WDFY2: variants seen among roughly 807,000 people sequenced by gnomAD.
WDFY2 encodes WD repeat and FYVE domain-containing protein 2.
In WDFY2, 36 loss-of-function variants were observed where a neutral mutation model predicts 56.4. The observed-to-expected ratio is 0.64, with a 90% CI of 0.49 to 0.84. The LOEUF (loss-of-function observed/expected upper bound fraction) is 0.84, where lower values mean the gene tolerates loss of function less well. Ranked by LOEUF, WDFY2 falls within the 40% of genes least tolerant of loss-of-function variation. WDFY2 has a pLI of 0.00. For synonymous variants in WDFY2, 176 were observed against 183.7 expected (o/e 0.96, Z 0.34); for missense variants, 444 against 512.2 (o/e 0.87, Z 1.29).
At chr13:51,744,625 A>G (rs1953051587) in intron 7 of WDFY2, among the ~76,000 whole-genome samples, 3 of 152,264 alleles carry the variant, frequency 2.0e-5, no homozygotes, top group Admixed American at 1.3e-4. Flanking sequence ...GAGAAAGGAA[A>G]TGAGGCCATC....
chr13:51,619,287 T>A (rs1172036443), intron 1 of WDFY2, among the ~76,000 whole-genome samples: 1 of 151,984 alleles, frequency 6.6e-6, no homozygotes, highest in African/African-American at 2.4e-5. Context: ...ACCCTGTCTG[T>A]AACAAAAAAT....
intron 3 of WDFY2, among the ~76,000 whole-genome samples, chr13:51,698,894 C>T (rs1331778768): frequency 6.6e-6 from 1 of 152,146 alleles, no homozygotes; most frequent in Non-Finnish European, 1.5e-5. Flanking sequence ...ACTGTCAATT[C>T]ACATATTAAA....
intron 1 of WDFY2, among the ~76,000 whole-genome samples, chr13:51,653,434 AT>A (rs1566075271): frequency 1.3e-5 from 2 of 152,018 alleles, no homozygotes; most frequent in African/African-American, 4.8e-5. Context: ...GCTTTATTCC[AT>A]TGCTGGTGAG....
At chr13:51,685,482 A>T (rs1241895878) in intron 3 of WDFY2, among the ~76,000 whole-genome samples, 2 of 152,190 alleles carry the variant, frequency 1.3e-5, no homozygotes, top group African/African-American at 4.8e-5. Context: ...GTCGAGTAAC[A>T]CATACTTTGT....
Position 51,636,263 on chromosome 13 carries a change from T to A in WDFY2, c.138-24333T>A, listed in dbSNP as rs1020650104. 7.2e-5 allele frequency among the ~76,000 whole-genome samples: 11 copies of A among 152,318 alleles called. No individual in the cohort carries two copies. The East Asian group carries it at 2.1e-3, about 29-fold the overall frequency. On this transcript the variant is annotated intron_variant, in intron 1 of 11. Transcript: ENST00000298125. ...GCAGTTCACACACTGGCACACACAC[T>A]CTGATTTGTAAACACGCTTCAGACT...
intron 3 of WDFY2, among the ~76,000 whole-genome samples, chr13:51,699,214 T>C (rs758219831): frequency 6.6e-6 from 1 of 152,094 alleles, no homozygotes; most frequent in Non-Finnish European, 1.5e-5. Context: ...GAGGGAGAAA[T>C]TAGATTCATG....
intron 1 of WDFY2, among the ~76,000 whole-genome samples, chr13:51,649,517 T>G (rs1249747825): frequency 1.3e-5 from 2 of 151,884 alleles, no homozygotes; most frequent in Non-Finnish European, 2.9e-5. Flanking sequence ...GTTGGTGTGC[T>G]GCACCCGTTA....
At chr13:51,696,048 G>A (rs962214089) in intron 3 of WDFY2, among the ~76,000 whole-genome samples, 2 of 152,186 alleles carry the variant, frequency 1.3e-5, no homozygotes, top group Non-Finnish European at 2.9e-5. Flanking sequence ...TATTGGGGTG[G>A]GAGTGACCCG....
intron 1 of WDFY2, among the ~76,000 whole-genome samples, chr13:51,639,512 C>T (rs1187350378): frequency 6.6e-6 from 1 of 151,312 alleles, no homozygotes; most frequent in Non-Finnish European, 1.5e-5. Flanking sequence ...ATATCATTGT[C>T]TTTTAGATTT....
intron 7 of WDFY2, among the ~76,000 whole-genome samples, chr13:51,746,705 TATA>T (rs1953113061): frequency 6.6e-6 from 1 of 151,654 alleles, no homozygotes; most frequent in African/African-American, 2.4e-5. Flanking sequence ...TGATTTAACT[TATA>T]ATAACAGAGT....
intron 4 of WDFY2, among the ~76,000 whole-genome samples, chr13:51,712,878 A>G (rs1952255132): frequency 6.6e-6 from 1 of 152,144 alleles, no homozygotes. Flanking sequence ...GAAAACTGAA[A>G]TTTTAAAAAT....
chr13:51,694,327 G>T (rs1286574238), intron 3 of WDFY2, among the ~76,000 whole-genome samples: 2 of 152,160 alleles, frequency 1.3e-5, no homozygotes, highest in South Asian at 2.1e-4. Context: ...GGTACTGGTT[G>T]TTCCTTTCCA....
At chr13:51,653,293 G>A (rs1327693553) in intron 1 of WDFY2, among the ~76,000 whole-genome samples, 2 of 152,124 alleles carry the variant, frequency 1.3e-5, no homozygotes, top group Non-Finnish European at 2.9e-5. Flanking sequence ...GGTTATTCTA[G>A]TTAGCCATTC....
chr13:51,719,335 G>C lies in WDFY2; in HGVS notation c.472G>C (p.Ala158Pro). The C allele has an allele frequency of 1.3e-6, 2 of 1,597,234 alleles. No homozygotes were observed. Among genetic ancestry groups the C allele is most frequent in the Non-Finnish European group, 1.7e-6 (2 of 1,172,426 alleles). Residue 158 changes from alanine (A) to proline (P), a missense_variant, in exon 5 of 12, where the codon GCC becomes CCC. Ala to Pro is a conservative substitution (Grantham distance 27). Coordinates refer to ENST00000298125, the MANE Select transcript of WDFY2 (RefSeq NM_052950.4). ...RLGGYRTSAV[A>P]SGLQFDVETR... ...GGGAGGTTATCGGACCAGTGCTGTG[G>C]CCTCAGGCCTGCAGTATCCTTTGCT...
intron 5 of WDFY2, among the ~76,000 whole-genome samples, chr13:51,723,460 C>A (rs2138641201): frequency 6.6e-6 from 1 of 152,210 alleles, no homozygotes. Flanking sequence ...GCAGTGCCCC[C>A]TTCACTTTTT....
chr13:51,662,288 T>C (rs1955629755), intron 2 of WDFY2, among the ~76,000 whole-genome samples: 1 of 152,142 alleles, frequency 6.6e-6, no homozygotes. Flanking sequence ...TTTTAAATGA[T>C]ATAACCAGTA....
At chr13:51,682,093 A>G (rs1955986175) in intron 3 of WDFY2, among the ~76,000 whole-genome samples, 1 of 152,174 alleles carries the variant, frequency 6.6e-6, no homozygotes, top group Non-Finnish European at 1.5e-5. Flanking sequence ...CTGTAGTGTG[A>G]ATACCCGTAG....
intron 3 of WDFY2, among the ~76,000 whole-genome samples, chr13:51,680,380 G>T (rs1032291989): frequency 2.9e-4 from 44 of 152,164 alleles, no homozygotes; most frequent in Admixed American, 1.0e-3. Flanking sequence ...GGGATTACAG[G>T]TGTGAGCCAC....
chr13:51,652,991 GCA>G (rs1421557094), intron 1 of WDFY2, among the ~76,000 whole-genome samples: 2 of 152,170 alleles, frequency 1.3e-5, no homozygotes, highest in African/African-American at 4.8e-5. Flanking sequence ...ATAATATCCT[GCA>G]CAGTGTTTTC....
Sources: gnomAD v4.1 joint callset for allele counts (sites outside exome capture counted in the v4.1 genomes callset) on GRCh38, gnomAD v4.1.1 for gene constraint, MANE v1.5 for transcripts, NCBI Gene and HGNC (gene_info 2026-07-23, HGNC 2026-07-21) for gene names.